GABRG3: variants seen among roughly 807,000 people sequenced by gnomAD.
The protein encoded by GABRG3 is gamma-aminobutyric acid receptor subunit gamma-3.
GABRG3 carries 25 observed loss-of-function variants against 48.8 expected under a neutral mutation model. The observed-to-expected ratio is 0.51, with a 90% CI of 0.37 to 0.72. GABRG3 has a LOEUF of 0.72. Among genes scored for constraint, GABRG3 ranks in the 30% least tolerant of loss-of-function variants. GABRG3 has a pLI of 0.00. For missense variants in GABRG3, 394 were observed against 577.9 expected (o/e 0.68, Z 3.26); for synonymous variants, 227 against 217.6 (o/e 1.04, Z -0.38).
chr15:27,100,685 C>CTT (rs1897340083), intron 3 of GABRG3, among the ~76,000 whole-genome samples: 1 of 152,196 alleles, frequency 6.6e-6, no homozygotes, highest in Non-Finnish European at 1.5e-5. Flanking sequence ...CAAAATCAAT[C>CTT]TGTGTGATCC....
rs961987621 is a variant in GABRG3, at chr15:27,041,772, A to G, written c.270+14951A>G. On this transcript the variant is annotated intron_variant, in intron 3 of 9. Transcript: ENST00000615808. The stretch of plus-strand genomic sequence containing the variant: ...GTGTTGGCCAGGTGATCCTACCAGC[A>G]TGCAGTTTGAGCTCTGAACTCCTCT... 2.6e-5 allele frequency among the ~76,000 whole-genome samples: 4 copies of G among 152,274 alleles called. No individual in the cohort carries two copies. In the East Asian group the frequency reaches 7.7e-4, roughly 29 times the overall value.
chr15:27,359,426 A>C (rs1894950449), intron 5 of GABRG3, among the ~76,000 whole-genome samples: 1 of 152,210 alleles, frequency 6.6e-6, no homozygotes, highest in Admixed American at 6.5e-5. Context: ...ATGGTCTGTG[A>C]CTAAAACTTA....
intron 3 of GABRG3, among the ~76,000 whole-genome samples, chr15:27,042,434 C>A (rs567819268): frequency 1.3e-5 from 2 of 152,218 alleles, no homozygotes; most frequent in East Asian, 3.9e-4. Flanking sequence ...CACACTGCTG[C>A]CAAGCCGCCC....
chr15:27,068,623 G>A (rs961193270), intron 3 of GABRG3, among the ~76,000 whole-genome samples: 1 of 152,216 alleles, frequency 6.6e-6, no homozygotes, highest in Non-Finnish European at 1.5e-5. Context: ...AGTCAATGAA[G>A]GGTGAATTCA....
intron 3 of GABRG3, among the ~76,000 whole-genome samples, chr15:27,191,724 C>T (rs1055851764): frequency 4.6e-5 from 7 of 151,790 alleles, no homozygotes; most frequent in South Asian, 4.2e-4. Flanking sequence ...AGTCCATTTA[C>T]GTTTAAAGTT....
intron 2 of GABRG3, among the ~76,000 whole-genome samples, chr15:27,020,207 G>A (rs1006684453): frequency 4.6e-5 from 7 of 152,074 alleles, no homozygotes; most frequent in African/African-American, 1.7e-4. Context: ...ACCCTCCATG[G>A]GCATGTCCCC....
At chr15:27,366,109 A>C (rs1895190379) in intron 5 of GABRG3, 2 of 152,186 alleles carry the variant, frequency 1.3e-5, no homozygotes, top group South Asian at 4.1e-4. Context: ...CAAACACATG[A>C]AGCTTCTTTC....
chr15:27,452,699 G>A (rs1047081582), intron 5 of GABRG3, among the ~76,000 whole-genome samples: 11 of 152,196 alleles, frequency 7.2e-5, no homozygotes, highest in South Asian at 6.2e-4. Context: ...AAGAGGAAGG[G>A]TTGGTCTGGC....
intron 3 of GABRG3, among the ~76,000 whole-genome samples, chr15:27,162,364 G>A (rs1887221341): frequency 6.6e-6 from 1 of 152,138 alleles, no homozygotes. Flanking sequence ...CTGAAATCAT[G>A]GTAAGGTATT....
At chr15:27,454,711 G>T (rs1401479839) in intron 5 of GABRG3, among the ~76,000 whole-genome samples, 1 of 152,116 alleles carries the variant, frequency 6.6e-6, no homozygotes, top group African/African-American at 2.4e-5. Context: ...TATTATGATG[G>T]GTATTCCATT....
intron 3 of GABRG3, among the ~76,000 whole-genome samples, chr15:27,308,672 CAT>C (rs1172935983): frequency 9.4e-5 from 14 of 148,982 alleles, no homozygotes; most frequent in African/African-American, 2.9e-4. Flanking sequence ...ATAATGTAAA[CAT>C]ACGCTTATGT....
intron 6 of GABRG3, among the ~76,000 whole-genome samples, chr15:27,494,193 T>A (rs1488115371): frequency 2.0e-5 from 3 of 152,126 alleles, no homozygotes; most frequent in Non-Finnish European, 4.4e-5. Context: ...ATAACTACTC[T>A]TATAAATATT....
intron 3 of GABRG3, among the ~76,000 whole-genome samples, chr15:27,211,686 G>T (rs1889085306): frequency 6.6e-6 from 1 of 152,068 alleles, no homozygotes; most frequent in African/African-American, 2.4e-5. Context: ...AGCATTCTGT[G>T]CAGTGTGATA....
At chr15:27,048,663 T>C (rs1476179807) in intron 3 of GABRG3, among the ~76,000 whole-genome samples, 2 of 152,198 alleles carry the variant, frequency 1.3e-5, no homozygotes, top group Non-Finnish European at 2.9e-5. Flanking sequence ...GGGCAGGCAT[T>C]GTCAATTTCC....
intron 2 of GABRG3, among the ~76,000 whole-genome samples, chr15:27,007,273 G>A (rs115365849): frequency 0.011 from 1,602 of 152,026 alleles, 32 homozygotes; most frequent in African/African-American, 0.036. Context: ...TAGGGAAGGG[G>A]TCTCACCATG....
chr15:27,175,891 T>C (rs937163451), intron 3 of GABRG3, among the ~76,000 whole-genome samples: 1 of 152,106 alleles, frequency 6.6e-6, no homozygotes, highest in Non-Finnish European at 1.5e-5. Flanking sequence ...CTGCTGAGCC[T>C]CCTCAGAGAG....
chr15:27,243,604 T>C (rs947882156), intron 3 of GABRG3, among the ~76,000 whole-genome samples: 2 of 152,188 alleles, frequency 1.3e-5, no homozygotes, highest in Non-Finnish European at 2.9e-5. Flanking sequence ...TGAGAATATT[T>C]TGGGCTGACT....
intron 5 of GABRG3, among the ~76,000 whole-genome samples, chr15:27,402,998 C>T (rs1188804182): frequency 6.6e-6 from 1 of 151,946 alleles, no homozygotes; most frequent in Non-Finnish European, 1.5e-5. Flanking sequence ...TTTGATAAAG[C>T]AGTTATCAAT....
intron 5 of GABRG3, among the ~76,000 whole-genome samples, chr15:27,374,455 T>A (rs1413997856): frequency 6.6e-6 from 1 of 152,182 alleles, no homozygotes; most frequent in Non-Finnish European, 1.5e-5. Context: ...TATTTCCAAT[T>A]TGAAATTTAG....
Sources: gnomAD v4.1 joint callset for allele counts (sites outside exome capture counted in the v4.1 genomes callset) on GRCh38, gnomAD v4.1.1 for gene constraint, MANE v1.5 for transcripts, NCBI Gene and HGNC (gene_info 2026-07-23, HGNC 2026-07-21) for gene names.